Variants in MDGA2 observed in about 807,000 individuals in gnomAD.
MDGA2 encodes the protein MAM domain containing glycosylphosphatidylinositol anchor 2.
In MDGA2, 40 loss-of-function variants were observed where a neutral mutation model predicts 117.8. The observed-to-expected ratio is 0.34, with a 90% CI of 0.26 to 0.44. The LOEUF (loss-of-function observed/expected upper bound fraction) is 0.44, where lower values mean the gene tolerates loss of function less well. Ranked by LOEUF, MDGA2 falls within the 20% of genes least tolerant of loss-of-function variation. The probability of loss-of-function intolerance (pLI) is 1.00; values close to 1 mark genes in which losing one functional copy is unlikely to be tolerated. For synonymous variants in MDGA2, 452 were observed against 439.0 expected (o/e 1.03, Z -0.37); for missense variants, 1,123 against 1,250.6 (o/e 0.90, Z 1.54).
chr14:47,605,646 G>GA (rs367796110), intron 1 of MDGA2, among the ~76,000 whole-genome samples: 154 of 147,224 alleles, frequency 1.0e-3, no homozygotes, highest in South Asian at 7.5e-3. Flanking sequence ...TGGTTACAAT[G>GA]AAAAAAAAAA....
intron 1 of MDGA2, among the ~76,000 whole-genome samples, chr14:47,406,488 G>T (rs1892264114): frequency 6.6e-6 from 1 of 152,022 alleles, no homozygotes; most frequent in Non-Finnish European, 1.5e-5. Context: ...AGTCTGAGGA[G>T]CAGCATTTAC....
intron 8 of MDGA2, among the ~76,000 whole-genome samples, chr14:47,018,136 G>T (rs958626877): frequency 7.3e-6 from 1 of 137,464 alleles, no homozygotes; most frequent in Non-Finnish European, 1.6e-5. Flanking sequence ...TTTTTTCTGG[G>T]GTAATTGACT....
intron 1 of MDGA2, among the ~76,000 whole-genome samples, chr14:47,351,816 A>C (rs1890888396): frequency 6.6e-6 from 1 of 152,150 alleles, no homozygotes; most frequent in Non-Finnish European, 1.5e-5. Flanking sequence ...GAAGTTACAA[A>C]TAATAAGAAT....
At chr14:47,059,684 A>G (rs1040038864) in intron 7 of MDGA2, among the ~76,000 whole-genome samples, 3 of 152,096 alleles carry the variant, frequency 2.0e-5, no homozygotes, top group Admixed American at 1.3e-4. Flanking sequence ...CCATCAAAGG[A>G]GTTCTTTTAG....
At chr14:47,055,597 CAT>C (rs1221665115) in intron 7 of MDGA2, among the ~76,000 whole-genome samples, 1 of 152,094 alleles carries the variant, frequency 6.6e-6, no homozygotes, top group Admixed American at 6.6e-5. Flanking sequence ...GTAACGGTTA[CAT>C]GTGAGTTTAA....
intron 8 of MDGA2, among the ~76,000 whole-genome samples, chr14:46,993,431 A>C (rs1195373518): frequency 6.6e-6 from 1 of 151,088 alleles, no homozygotes; most frequent in Non-Finnish European, 1.5e-5. Context: ...TACATTTTAC[A>C]AAATTATCAC....
intron 1 of MDGA2, among the ~76,000 whole-genome samples, chr14:47,618,577 T>C (rs1470796083): frequency 6.6e-6 from 1 of 152,228 alleles, no homozygotes; most frequent in African/African-American, 2.4e-5. Flanking sequence ...AGGCACTGTA[T>C]GTCGCTCATT....
At chr14:47,500,270 T>G (rs1469773990) in intron 1 of MDGA2, among the ~76,000 whole-genome samples, 1 of 152,140 alleles carries the variant, frequency 6.6e-6, no homozygotes, top group Non-Finnish European at 1.5e-5. Flanking sequence ...TTTAGAGGCC[T>G]CAGCCCGTAA....
intron 10 of MDGA2, among the ~76,000 whole-genome samples, chr14:46,907,924 G>T (rs1883559634): frequency 6.6e-6 from 1 of 152,078 alleles, no homozygotes; most frequent in African/African-American, 2.4e-5. Context: ...CTTCTCCTTA[G>T]CTCAGAATGA....
At position 46,906,028 on chromosome 14, in the gene MDGA2, A is replaced by C. The variant is rs561271015; in HGVS notation, c.2238+13984T>G. On this transcript the variant is annotated intron_variant, in intron 10 of 16. Coordinates refer to ENST00000399232, the MANE Select transcript of MDGA2 (RefSeq NM_001113498.3). ...AAACTTACAATGGCATGTTGTCATT[A>C]TATAAAAGAGTCATCAATAATTTAC... Among the ~76,000 whole-genome samples, 9 of 152,098 alleles carry C rather than the reference A, an allele frequency of 5.9e-5. 1 individual carries two copies. Among genetic ancestry groups the C allele is most frequent in the African/African-American group, 1.9e-4 (8 of 41,570 alleles).
intron 1 of MDGA2, among the ~76,000 whole-genome samples, chr14:47,576,803 C>A (rs1198825254): frequency 6.6e-6 from 1 of 152,096 alleles, no homozygotes; most frequent in African/African-American, 2.4e-5. Context: ...ATTCTGTCAC[C>A]CAGGCTGCGA....
intron 7 of MDGA2, among the ~76,000 whole-genome samples, chr14:47,035,835 A>T (rs1888827592): frequency 1.3e-5 from 2 of 152,126 alleles, no homozygotes; most frequent in Non-Finnish European, 2.9e-5. Context: ...TGGACTTTTA[A>T]TTTTTTGTGA....
intron 8 of MDGA2, among the ~76,000 whole-genome samples, chr14:47,003,450 C>A (rs891604345): frequency 6.6e-6 from 1 of 151,860 alleles, no homozygotes; most frequent in Non-Finnish European, 1.5e-5. Flanking sequence ...TAAGTTCCAT[C>A]GCCTATTCAT....
chr14:47,556,761 A>G (rs1895690429), intron 1 of MDGA2, among the ~76,000 whole-genome samples: 1 of 152,240 alleles, frequency 6.6e-6, no homozygotes, highest in South Asian at 2.1e-4. Context: ...TTATAGCTCT[A>G]TGGCACTTTT....
intron 1 of MDGA2, among the ~76,000 whole-genome samples, chr14:47,581,187 T>G (rs1896222519): frequency 6.6e-6 from 1 of 151,996 alleles, no homozygotes; most frequent in South Asian, 2.1e-4. Context: ...TTTATTACTT[T>G]CTGCATTTGA....
intron 14 of MDGA2, among the ~76,000 whole-genome samples, chr14:46,860,362 T>G (rs904901859): frequency 2.0e-5 from 3 of 152,056 alleles, no homozygotes; most frequent in African/African-American, 7.2e-5. Flanking sequence ...TTAGGTTATA[T>G]TAATGCATTC....
Position 46,961,652 on chromosome 14 carries a change from T to TG in MDGA2, c.1820-4010_1820-4009insC, listed in dbSNP as rs200719263. 6.0e-3 allele frequency among the ~76,000 whole-genome samples: 913 copies of TG among 152,068 alleles called. 3 individuals carry two copies. Among genetic ancestry groups the TG allele is most frequent in the East Asian group, 0.018 (93 of 5,156 alleles). On this transcript the variant is annotated intron_variant, in intron 8 of 16. Coordinates refer to ENST00000399232, the MANE Select transcript of MDGA2 (RefSeq NM_001113498.3). ...TGTTTTATACTGCCTGATAATTTTT[T>TG]TTTTTTTTGAGATGGAGTCTCACTC... is the stretch of plus-strand genomic sequence containing the variant.
chr14:47,585,269 C>T (rs999657428), intron 1 of MDGA2, among the ~76,000 whole-genome samples: 3 of 151,796 alleles, frequency 2.0e-5, no homozygotes, highest in Admixed American at 6.6e-5. Context: ...TTCCCCAACT[C>T]TCCAGATGTT....
chr14:47,035,403 G>A (rs1339778940), intron 7 of MDGA2, 99 bp from the exon 8 acceptor site: 3 of 920,870 alleles, frequency 3.3e-6, no homozygotes, highest in Non-Finnish European at 4.9e-6. Context: ...GCTGGCTGAA[G>A]AAATGTGACA....
Sources: allele counts gnomAD v4.1 joint callset (sites outside exome capture counted in the v4.1 genomes callset), GRCh38; gene constraint gnomAD v4.1.1; transcripts MANE v1.5; gene names NCBI Gene and HGNC (gene_info 2026-07-23, HGNC 2026-07-21).